Variants in TLE6 observed in about 807,000 individuals in gnomAD.
TLE6 encodes TLE family member 6, subcortical maternal complex member.
A neutral mutation model predicts 77.1 loss-of-function variants in TLE6; 72 were observed. The ratio of observed to expected loss-of-function variants is 0.93; its 90% CI spans 0.77 to 1.14. The LOEUF (loss-of-function observed/expected upper bound fraction) is 1.14, where lower values mean the gene tolerates loss of function less well. Among genes scored for constraint, TLE6 ranks in the 50% most tolerant of loss-of-function variants. The pLI, the probability that TLE6 is intolerant of heterozygous loss-of-function variation, is 0.00. For missense variants in TLE6, 843 were observed against 747.6 expected, an observed-to-expected ratio of 1.13 and a Z score of -1.49; for synonymous variants, 366 against 287.3, an observed-to-expected ratio of 1.27 and a Z score of -2.77.
Position 2,989,519 on chromosome 19 carries a change from ACT to A in TLE6, c.994-13_994-12del, listed in dbSNP as rs2088994657. The A allele has an allele frequency of 1.9e-6, 3 of 1,605,044 alleles. No homozygotes were observed. Among genetic ancestry groups the A allele is most frequent in the East Asian group, 4.5e-5 (2 of 44,782 alleles). ...CCACGGGGGGCGACAGCTCACAGTG[ACT>A]CTGCCCATCCCAGACCCCTGGGGCC... On this transcript the variant is annotated splice_polypyrimidine_tract_variant and intron_variant, in intron 12 of 16. Transcript: ENST00000246112.
chr19:2,994,567 G>A (rs373844449), intron 16 of TLE6, among the ~76,000 whole-genome samples: 1 of 151,786 alleles, frequency 6.6e-6, no homozygotes. Context: ...CCAAGATTGT[G>A]CCACTGCACT....
At chr19:2,978,600 A>G (rs2088728291) in intron 2 of TLE6, among the ~76,000 whole-genome samples, 1 of 152,082 alleles carries the variant, frequency 6.6e-6, no homozygotes, top group South Asian at 2.1e-4. Flanking sequence ...AAATAAAACT[A>G]GAAGAATCAG....
In TLE6 at chr19:2,987,106, G is replaced by C. The variant is rs151119762; in HGVS notation, c.409G>C (p.Gly137Arg). The change falls in exon 7 of 17, where the codon GGG becomes CGG. Residue 137 changes from glycine (G) to arginine (R), a missense_variant. Coordinates refer to ENST00000246112, the MANE Select transcript of TLE6 (RefSeq NM_001143986.2). Reference sequence around the variant, plus strand: ...CTCCGACTGGCTCCGGCGGCCTTTGGGGGAGGACAATCAGCCGGAGACCCA... The same window carrying C: ...CTCCGACTGGCTCCGGCGGCCTTTGCGGGAGGACAATCAGCCGGAGACCCA... ...RSSDWLRRPL[G>R]EDNQPETQLF... is the part of the protein sequence containing the mutation. The C allele has an allele frequency of 3.5e-5, 56 of 1,613,992 alleles. No homozygotes were observed. The African/African-American group carries it at 3.5e-4, about 10-fold the overall frequency.
chr19:2,988,971 AAAG>A (rs1418732625), intron 11 of TLE6, 87 bp from the exon 12 acceptor site: 40 of 1,538,986 alleles, frequency 2.6e-5, no homozygotes, highest in Non-Finnish European at 3.4e-5. Flanking sequence ...AAAATCTGAA[AAAG>A]AAGCCCCTCT....
chr19:2,992,793 A>AAACG (rs1487334518), intron 14 of TLE6, among the ~76,000 whole-genome samples: 3 of 19,760 alleles, frequency 1.5e-4, no homozygotes, highest in Admixed American at 8.2e-4. Context: ...AAAAAAAAAA[A>AAACG]GGGGGGGAGG....
intron 5 of TLE6, among the ~76,000 whole-genome samples, chr19:2,985,293 C>T (rs114627870): frequency 0.012 from 1,792 of 152,040 alleles, 45 homozygotes; most frequent in African/African-American, 0.042. Flanking sequence ...ATCAATTCTC[C>T]CCAGCAGGTA....
In TLE6 at chr19:2,991,993, G is replaced by C. The variant is rs201163480; in HGVS notation, c.1386+9G>C. 7.6e-5 allele frequency: 123 copies of C among 1,612,510 alleles called. No homozygotes were observed. Among genetic ancestry groups the C allele is most frequent in the Non-Finnish European group, 9.7e-5 (114 of 1,179,532 alleles). On this transcript the variant is annotated intron_variant, in intron 14 of 16. Transcript: ENST00000246112. ...ACCAATTCAAGTCTCAGGTGCGGAG[G>C]CCGGGATGGGGTCTGCTTGGCCAGG...
At chr19:2,988,962 A>C in intron 11 of TLE6, 99 bp from the exon 12 acceptor site, 1 of 1,534,052 alleles carries the variant, frequency 6.5e-7, no homozygotes. Context: ...AGGGACCCCA[A>C]AATCTGAAAA....
At chr19:2,988,052 G>C (rs1251619663) in intron 10 of TLE6, 39 bp from the exon 11 acceptor site, 1 of 1,556,566 alleles carries the variant, frequency 6.4e-7, no homozygotes, top group Non-Finnish European at 8.7e-7. Flanking sequence ...ACAGATGTGC[G>C]GGGAGGCTGG....
Position 2,982,965 on chromosome 19 carries a change from G to A in TLE6, c.222+776G>A, listed in dbSNP as rs1278193946. Among the ~76,000 whole-genome samples, 5 of 152,200 alleles carry A rather than the reference G, an allele frequency of 3.3e-5. No homozygotes were observed. The South Asian group carries it at 8.3e-4, about 25-fold the overall frequency. On this transcript the variant is annotated intron_variant, in intron 5 of 16. Coordinates refer to ENST00000246112, the MANE Select transcript of TLE6 (RefSeq NM_001143986.2). ...AGGGGAGCTCTGCATGGGAGGGGGC[G>A]CCCGGGCTCCCATCTCCCAGCCCAG...
At position 2,986,824 on chromosome 19, in the gene TLE6, T is replaced by C. The variant is rs536385301; in HGVS notation, c.223-5T>C. On this transcript the variant is annotated splice_region_variant and splice_polypyrimidine_tract_variant and intron_variant, in intron 5 of 16. Coordinates refer to ENST00000246112, the MANE Select transcript of TLE6 (RefSeq NM_001143986.2). ...TTAACTGTTTTGCTGCCAACCTCCTTCTAGATAGGAAACGTCTTACAGATT... is the reference window on the plus strand; with the variant it reads ...TTAACTGTTTTGCTGCCAACCTCCTCCTAGATAGGAAACGTCTTACAGATT... 1.9e-6 allele frequency: 3 copies of C among 1,551,638 alleles called. No individual in the cohort carries two copies. The African/African-American group carries it at 4.1e-5, about 21-fold the overall frequency.
At chr19:2,991,425 C>CACACACACACACACACACACAT (rs1300185737) in intron 13 of TLE6, among the ~76,000 whole-genome samples, 1 of 135,566 alleles carries the variant, frequency 7.4e-6, no homozygotes, top group African/African-American at 2.9e-5. Context: ...CACACACACA[C>CACACACACACACACACACACAT]ATATATATAA....
chr19:2,982,598 C>A (rs1266905276), intron 5 of TLE6, among the ~76,000 whole-genome samples: 1 of 148,564 alleles, frequency 6.7e-6, no homozygotes, highest in Non-Finnish European at 1.5e-5. Flanking sequence ...AGGGGTAGGT[C>A]ATGCTGAGCC....
rs2088957852 is a variant in TLE6 at position 2,988,078 on chromosome 19, C to T, written c.703-13C>T. ...GGGAGGCTGGGGGCAGCTGTGATCT[C>T]CCCCGCCTGCAGGAGCCTCCTGGAA... On this transcript the variant is annotated splice_polypyrimidine_tract_variant and intron_variant, in intron 10 of 16. Coordinates refer to ENST00000246112, the MANE Select transcript of TLE6 (RefSeq NM_001143986.2). 3.9e-6 allele frequency: 6 copies of T among 1,552,640 alleles called. No individual in the cohort carries two copies. The highest frequency in any genetic ancestry group is 4.4e-6 in the Non-Finnish European group (5 of 1,147,578).
At chr19:2,990,621 A>T (rs2089023911) in intron 13 of TLE6, among the ~76,000 whole-genome samples, 1 of 136,660 alleles carries the variant, frequency 7.3e-6, no homozygotes, top group African/African-American at 3.1e-5. Context: ...AGAAAAAAAA[A>T]TACACACATA....
intron 2 of TLE6, among the ~76,000 whole-genome samples, chr19:2,979,833 G>A (rs369292117): frequency 4.0e-5 from 6 of 150,850 alleles, no homozygotes; most frequent in Admixed American, 2.0e-4. Context: ...AGGGGGGCGC[G>A]GGCGCATGTA....
chr19:2,987,288 CAG>C (rs1351517299), intron 7 of TLE6, 50 bp downstream of exon 7: 6 of 1,614,198 alleles, frequency 3.7e-6, no homozygotes, highest in East Asian at 2.2e-5. Context: ...GGCTGCGTCT[CAG>C]GGGCTGTGCA....
At chr19:2,994,138 A>G (rs1204915530) in intron 16 of TLE6, 43 bp downstream of exon 16, 1 of 1,538,782 alleles carries the variant, frequency 6.5e-7, no homozygotes, top group Admixed American at 1.9e-5. Flanking sequence ...GTGGCCCCAA[A>G]GGGACCAGCC....
intron 13 of TLE6, among the ~76,000 whole-genome samples, chr19:2,991,042 A>G (rs2089042377): frequency 1.0e-5 from 1 of 98,632 alleles, no homozygotes; most frequent in Non-Finnish European, 1.8e-5. Context: ...ACATACATAC[A>G]TATATGTATA....
Sources: allele counts gnomAD v4.1 joint callset (sites outside exome capture counted in the v4.1 genomes callset), GRCh38; gene constraint gnomAD v4.1.1; transcripts MANE v1.5; gene names NCBI Gene and HGNC (gene_info 2026-07-23, HGNC 2026-07-21).